Variants in PRPSAP2 observed in about 807,000 individuals in gnomAD.
The protein encoded by PRPSAP2 is phosphoribosyl pyrophosphate synthase-associated protein 2.
In PRPSAP2, 24 loss-of-function variants were observed where a neutral mutation model predicts 40.6. That is an observed-to-expected ratio of 0.59 (90% confidence interval 0.43 to 0.83). PRPSAP2 has a LOEUF of 0.83. Ranked by LOEUF, PRPSAP2 falls within the 40% of genes least tolerant of loss-of-function variation. The pLI, the probability that PRPSAP2 is intolerant of heterozygous loss-of-function variation, is 0.00. For synonymous variants in PRPSAP2, 149 were observed against 164.7 expected, an observed-to-expected ratio of 0.90 and a Z score of 0.73; for missense variants, 292 against 465.6, an observed-to-expected ratio of 0.63 and a Z score of 3.43.
chr17:18,863,065 C>T (rs1043726420), intron 1 of PRPSAP2, among the ~76,000 whole-genome samples: 6 of 152,096 alleles, frequency 3.9e-5, no homozygotes, highest in Non-Finnish European at 8.8e-5. Flanking sequence ...CGTGATCCAC[C>T]TGCCTCGGCC....
chr17:18,857,588 T>TA (rs1461870893), upstream of PRPSAP2, among the ~76,000 whole-genome samples: 3 of 150,030 alleles, frequency 2.0e-5, no homozygotes, highest in African/African-American at 7.4e-5. Flanking sequence ...TAATTTTTTT[T>TA]TTTTGTATTT....
At chr17:18,923,837 T>G in intron 9 of PRPSAP2, 77 bp from the exon 10 acceptor site, 289 of 1,278,458 alleles carry the variant, frequency 2.3e-4, no homozygotes, top group Non-Finnish European at 2.9e-4. Context: ...GTTTTTATCT[T>G]GAGATATTAA....
In PRPSAP2 at chr17:18,911,563, G is replaced by A. The variant is rs2040961325; in HGVS notation, c.733+312G>A. 6.6e-6 allele frequency among the ~76,000 whole-genome samples: 1 copy of A among 150,834 alleles called. No individual in the cohort carries two copies. Among genetic ancestry groups the A allele is most frequent in the Non-Finnish European group, 1.5e-5 (1 of 67,764 alleles). On this transcript the variant is annotated intron_variant, in intron 9 of 11. Transcript: ENST00000268835. This position sits in a 1 kb window ranked among gnomAD's most constrained non-coding sequence, Gnocchi z 4.5. ...GAGTGTAGTTTAACATAAGCAAAAA[G>A]CTTTTTATATACAAAGTTATTGACT...
At chr17:18,892,727 G>GTGTTTATT (rs60288281) in intron 8 of PRPSAP2, among the ~76,000 whole-genome samples, 3 of 126,624 alleles carry the variant, frequency 2.4e-5, no homozygotes, top group African/African-American at 6.0e-5. Flanking sequence ...GTGTGTGTGT[G>GTGTTTATT]TATTTATTTA....
rs113223974 is a variant in PRPSAP2 at position 18,890,859 on chromosome 17, T to C, written c.584+982T>C. ...TTTGTATATGTTAAAGGTGACATTTTACAAAATTGACACAACCTGAGGTGT... is the reference window on the plus strand; with the variant it reads ...TTTGTATATGTTAAAGGTGACATTTCACAAAATTGACACAACCTGAGGTGT... On this transcript the variant is annotated intron_variant, in intron 8 of 11. Transcript: ENST00000268835. Among the ~76,000 whole-genome samples the C allele has an allele frequency of 7.5e-4, 114 of 152,340 alleles. 1 individual carries two copies. Among genetic ancestry groups the C allele is most frequent in the African/African-American group, 2.6e-3 (110 of 41,580 alleles).
chr17:18,891,559 T>C (rs2039545355), intron 8 of PRPSAP2, among the ~76,000 whole-genome samples: 1 of 152,240 alleles, frequency 6.6e-6, no homozygotes, highest in Non-Finnish European at 1.5e-5. Context: ...TTTTCTCTGA[T>C]ATACATGCTT....
Position 18,889,871 on chromosome 17 carries a change from C to T in PRPSAP2, c.578C>T (p.Ala193Val). ...ATCGTGGCCAAGTCTCCAGCCTCGG[C>T]GAAGAGGTAGGTGGGAATCTCACAA... ...AVIVAKSPAS[A>V]KRAQSFAERL... Residue 193 changes from alanine to valine, a missense_variant, in exon 8 of 12, where the codon GCG becomes GTG. By Grantham distance (64) the Ala-to-Val change is moderately conservative (BLOSUM62 0). Transcript: ENST00000268835. The T allele has an allele frequency of 1.2e-6, 2 of 1,610,280 alleles. No individual in the cohort carries two copies. The highest frequency in any genetic ancestry group is 1.7e-4 in the Middle Eastern group (1 of 6,058).
intron 7 of PRPSAP2, among the ~76,000 whole-genome samples, chr17:18,883,994 C>T (rs1271758430): frequency 2.6e-5 from 4 of 151,906 alleles, no homozygotes; most frequent in African/African-American, 4.8e-5. Flanking sequence ...CTACGCCAGG[C>T]GCAGTGGCTC....
At chr17:18,917,578 A>ATT (rs1224409687) in intron 9 of PRPSAP2, 7 of 33,616 alleles carry the variant, frequency 2.1e-4, no homozygotes, top group East Asian at 8.0e-4. Context: ...TATTATTATT[A>ATT]TTATTATTTT....
At chr17:18,913,903 C>T (rs113778654) in intron 9 of PRPSAP2, among the ~76,000 whole-genome samples, 3 of 151,094 alleles carry the variant, frequency 2.0e-5, no homozygotes, top group South Asian at 2.1e-4. Context: ...TGGCTGGGCG[C>T]GGCGGCTCAC....
chr17:18,911,014 CT>C lies in PRPSAP2; in HGVS notation c.585-87del. 1.4e-6 allele frequency: 2 copies of C among 1,380,570 alleles called. No homozygotes were observed. Among genetic ancestry groups the C allele is most frequent in the African/African-American group, 1.4e-5 (1 of 69,352 alleles). 85.5% of individuals were successfully genotyped at this position (1,380,570 alleles called of 1,614,324 possible). A position where few individuals can be genotyped will look rare whatever the true frequency, so the allele number is the denominator to read the frequency against. On this transcript the variant is annotated intron_variant, in intron 8 of 11. Transcript: ENST00000268835. This position sits in a 1 kb window ranked among gnomAD's most constrained non-coding sequence, Gnocchi z 4.5. Reference sequence around the variant, plus strand: ...TAGTCCTTTGGGAGACAACATTCTACTTATGTTCTCTTAATGTTTTGTCCCC... The same window carrying C: ...TAGTCCTTTGGGAGACAACATTCTACTATGTTCTCTTAATGTTTTGTCCCC...
At chr17:18,910,973 T>C (rs1243623846) in intron 8 of PRPSAP2, 130 bp from the exon 9 acceptor site, 2 of 1,148,038 alleles carry the variant, frequency 1.7e-6, no homozygotes, top group Non-Finnish European at 2.3e-6. Context: ...AAGGCTGTTT[T>C]ATTCTCTCTT....
At chr17:18,872,838 C>CTTCT (rs745688515) in intron 5 of PRPSAP2, among the ~76,000 whole-genome samples, 189 bp downstream of exon 5, 5 of 151,458 alleles carry the variant, frequency 3.3e-5, no homozygotes, top group Non-Finnish European at 5.9e-5. Context: ...AGTGTTTTTC[C>CTTCT]TTCTTTCTTT....
At chr17:18,903,089 C>A (rs1331615941) in intron 8 of PRPSAP2, among the ~76,000 whole-genome samples, 1 of 151,906 alleles carries the variant, frequency 6.6e-6, no homozygotes, top group Non-Finnish European at 1.5e-5. Flanking sequence ...CTCTTTTTCT[C>A]CCAGTTTCAG....
In PRPSAP2 at chr17:18,930,543, G is replaced by A; in HGVS notation, c.955G>A (p.Val319Met). The change falls in exon 12 of 12, where the codon GTG becomes ATG. Residue 319 changes from valine to methionine, a missense_variant. Val to Met is a conservative substitution (Grantham distance 21). Around this residue, in one of 2 missense-constraint regions of PRPSAP2, gnomAD observed 241 missense variants for 425.7 expected, o/e 0.57. Transcript: ENST00000268835. ...RIEESAIDEV[V>M]VTNTIPHEVQ... is the part of the protein sequence containing the mutation. ...TTTTTTTTCTTTTGCTTCACAGGTG[G>A]TGGTCACCAATACAATTCCACATGA... 6.2e-7 allele frequency: 1 copy of A among 1,612,406 alleles called. No individual in the cohort carries two copies. The highest frequency in any genetic ancestry group is 8.5e-7 in the Non-Finnish European group (1 of 1,179,080).
chr17:18,914,672 A>G (rs2041196214), intron 9 of PRPSAP2, among the ~76,000 whole-genome samples: 1 of 151,796 alleles, frequency 6.6e-6, no homozygotes, highest in Admixed American at 6.6e-5. Context: ...GGATTTTAGT[A>G]TAAGCAGTCA....
chr17:18,866,417 A>G (rs2037434764), intron 3 of PRPSAP2, among the ~76,000 whole-genome samples: 1 of 152,120 alleles, frequency 6.6e-6, no homozygotes, highest in South Asian at 2.1e-4. Context: ...ACAAAAAATT[A>G]GTTGGGCGTG....
intron 1 of PRPSAP2, among the ~76,000 whole-genome samples, chr17:18,862,567 C>G (rs544575562): frequency 4.6e-5 from 7 of 152,132 alleles, no homozygotes; most frequent in Non-Finnish European, 1.0e-4. Context: ...TGTTAAGTGC[C>G]TTGCAGAAAT....
chr17:18,897,302 T>G (rs1026669025), intron 8 of PRPSAP2, among the ~76,000 whole-genome samples: 50 of 152,158 alleles, frequency 3.3e-4, no homozygotes, highest in Non-Finnish European at 4.4e-5. Flanking sequence ...TCTTAAACAC[T>G]CCTCAGATTG....
Sources: allele counts gnomAD v4.1 joint callset (sites outside exome capture counted in the v4.1 genomes callset), GRCh38; gene constraint gnomAD v4.1.1; regional missense constraint gnomAD v4.1.1; non-coding constraint Gnocchi (gnomAD v3.1); transcripts MANE v1.5; gene names NCBI Gene and HGNC (gene_info 2026-07-23, HGNC 2026-07-21).